Variants in TUBGCP3 observed in about 807,000 individuals in gnomAD.
TUBGCP3 encodes the protein gamma-tubulin complex component 3.
In TUBGCP3, 50 loss-of-function variants were observed where a neutral mutation model predicts 123.1. That is an observed-to-expected ratio of 0.41 (90% CI 0.32 to 0.51). TUBGCP3 has a LOEUF of 0.51. Among genes scored for constraint, TUBGCP3 ranks in the 20% least tolerant of loss-of-function variants. TUBGCP3 has a pLI of 0.36. For synonymous variants in TUBGCP3, 405 were observed against 413.9 expected (o/e 0.98, Z 0.26); for missense variants, 882 against 1,127.0 (o/e 0.78, Z 3.11).
rs570817225 is a variant in TUBGCP3, at chr13:112,504,748, G to A, written c.2087-34C>T. On this transcript the variant is annotated intron_variant, in intron 17 of 21. Transcript: ENST00000261965. ...GAAGAGTTGACGTCAGAGGTGCAATGCAAGTACACTTACCGACAACGCGCT... is the reference window on the plus strand; with the variant it reads ...GAAGAGTTGACGTCAGAGGTGCAATACAAGTACACTTACCGACAACGCGCT... 8.4e-6 allele frequency: 13 copies of A among 1,551,306 alleles called. No homozygotes were observed. The Admixed American group carries it at 1.8e-4, about 22-fold the overall frequency.
At chr13:112,556,452 C>A (rs1880054619) in intron 5 of TUBGCP3, among the ~76,000 whole-genome samples, 1 of 152,196 alleles carries the variant, frequency 6.6e-6, no homozygotes, top group South Asian at 2.1e-4. Flanking sequence ...TCGGACCCAA[C>A]ACAGCAGTGG....
chr13:112,569,067 A>G, intron 2 of TUBGCP3, 85 bp downstream of exon 2: 1 of 1,244,326 alleles, frequency 8.0e-7, no homozygotes, highest in Non-Finnish European at 1.1e-6. Context: ...AACTACATAC[A>G]CACCTACACA....
chr13:112,592,441 A>G (rs1168907546), upstream of TUBGCP3, among the ~76,000 whole-genome samples: 1 of 152,168 alleles, frequency 6.6e-6, no homozygotes, highest in Non-Finnish European at 1.5e-5. This position sits in a 1 kb window ranked among gnomAD's most constrained non-coding sequence, Gnocchi z 4.1. Context: ...TGAGAGTGCC[A>G]GCCCCCACCC....
chr13:112,539,338 T>C (rs1017175332), intron 11 of TUBGCP3, among the ~76,000 whole-genome samples: 4 of 152,180 alleles, frequency 2.6e-5, no homozygotes, highest in Non-Finnish European at 2.9e-5. Flanking sequence ...ACCTAAGCTC[T>C]TGAGCTCAAA....
At position 112,520,030 on chromosome 13, in the gene TUBGCP3, AT is replaced by A; in HGVS notation, c.1746-10del. ...GACGGACAAGTTCTGGTCTTAACAA[AT>A]TTTTTAAAAATTAAAGAAAATATTA... On this transcript the variant is annotated splice_polypyrimidine_tract_variant and intron_variant, in intron 14 of 21. Transcript: ENST00000261965. The A allele has an allele frequency of 6.2e-7, 1 of 1,601,738 alleles. No homozygotes were observed. The highest frequency in any genetic ancestry group is 1.1e-5 in the South Asian group (1 of 88,006).
chr13:112,587,619 T>A (rs968643893), intron 1 of TUBGCP3, among the ~76,000 whole-genome samples: 3 of 152,114 alleles, frequency 2.0e-5, no homozygotes, highest in Non-Finnish European at 4.4e-5. Flanking sequence ...CCGGCTCGGC[T>A]CCGCCCTCCC....
At position 112,485,811 on chromosome 13, in the gene TUBGCP3, C is replaced by T. The variant is rs1056066858; in HGVS notation, c.*182G>A. 9.3e-5 allele frequency: 62 copies of T among 668,512 alleles called. 1 individual carries two copies. Among genetic ancestry groups the T allele is most frequent in the Middle Eastern group, 3.9e-4 (1 of 2,540 alleles). 41.4% of individuals were successfully genotyped at this position (668,512 alleles called of 1,614,324 possible). A position where few individuals can be genotyped will look rare whatever the true frequency, so the allele number is the denominator to read the frequency against. Reference sequence around the variant, plus strand: ...TGACTTAGGGATTTACAAATGCATTCGACTCCGACATGTGAAACACGACGT... The same window carrying T: ...TGACTTAGGGATTTACAAATGCATTTGACTCCGACATGTGAAACACGACGT... On this transcript the variant is annotated 3_prime_UTR_variant, in exon 22 of 22. Coordinates refer to ENST00000261965, the MANE Select transcript of TUBGCP3 (RefSeq NM_006322.6).
chr13:112,493,934 G>A (rs1232698069), intron 20 of TUBGCP3, among the ~76,000 whole-genome samples: 1 of 151,118 alleles, frequency 6.6e-6, no homozygotes, highest in Non-Finnish European at 1.5e-5. Context: ...TGGGAACATG[G>A]CCTGGTGTCC....
At chr13:112,572,310 G>A (rs529200744) in intron 1 of TUBGCP3, among the ~76,000 whole-genome samples, 2 of 152,240 alleles carry the variant, frequency 1.3e-5, no homozygotes, top group East Asian at 3.9e-4. Context: ...TGTGCAGAAC[G>A]TGCAGGTTTG....
At position 112,499,177 on chromosome 13, in the gene TUBGCP3, T is replaced by C; in HGVS notation, c.2316A>G (p.Leu772=). The change falls in exon 20 of 22, where the codon TTA becomes TTG. Residue 772 remains leucine (L), a synonymous_variant. Coordinates refer to ENST00000261965, the MANE Select transcript of TUBGCP3 (RefSeq NM_006322.6). ...CLLDSDSRAL[L]NQLRAVFDQI... Reference sequence around the variant, plus strand: ...GATCAAACACAGCTCTAAGTTGATTTAAAAGTGCCTGAAAGAGATGACAAT... The same window carrying C: ...GATCAAACACAGCTCTAAGTTGATTCAAAAGTGCCTGAAAGAGATGACAAT... 8 of 1,607,596 alleles carry C rather than the reference T, an allele frequency of 5.0e-6. No homozygotes were observed. The highest frequency in any genetic ancestry group is 6.8e-6 in the Non-Finnish European group (8 of 1,177,800).
intron 11 of TUBGCP3, among the ~76,000 whole-genome samples, chr13:112,537,142 TTTTTTTA>T (rs1439977349): frequency 5.5e-5 from 8 of 146,134 alleles, no homozygotes; most frequent in African/African-American, 2.1e-4. Context: ...TTTTTTTTTT[TTTTTTTA>T]AAAAAAAAAA....
chr13:112,549,057 T>A (rs1465733311), intron 8 of TUBGCP3, among the ~76,000 whole-genome samples: 3 of 152,208 alleles, frequency 2.0e-5, no homozygotes, highest in Non-Finnish European at 4.4e-5. Context: ...GCAGCACTAT[T>A]CACAATAGCA....
chr13:112,597,473 A>G, the TUBGCP3 span, among the ~76,000 whole-genome samples: 1 of 152,226 alleles, frequency 6.6e-6, no homozygotes, highest in South Asian at 2.1e-4. Context: ...CAGTCAGGTG[A>G]GGAGACAACG....
the TUBGCP3 span, among the ~76,000 whole-genome samples, chr13:112,594,900 G>A: frequency 6.6e-6 from 1 of 152,176 alleles, no homozygotes. Context: ...GATTTCTAGT[G>A]GGGGTAAGAG....
At chr13:112,597,533 C>T in the TUBGCP3 span, among the ~76,000 whole-genome samples, 1 of 152,032 alleles carries the variant, frequency 6.6e-6, no homozygotes, top group African/African-American at 2.4e-5. Flanking sequence ...AAGAGATTTA[C>T]AGGTGTTACA....
At chr13:112,604,261 T>C in the TUBGCP3 span, 1 of 152,268 alleles carries the variant, frequency 6.6e-6, no homozygotes, top group African/African-American at 2.4e-5. Flanking sequence ...GGGTATCTTT[T>C]AGTTTGAGAA....
rs1880720464 is a variant in TUBGCP3 at position 112,499,118 on chromosome 13, A to G, written c.2375T>C (p.Ile792Thr). ...CAATTCTTCCAGAGCAGCTCTGTATATTGCATCTTGAGCATTCTGAAGTTC... is the reference window on the plus strand; with the variant it reads ...CAATTCTTCCAGAGCAGCTCTGTATGTTGCATCTTGAGCATTCTGAAGTTC... ...IIELQNAQDA[I>T]YRAALEELQR... Residue 792 changes from isoleucine to threonine, a missense_variant, in exon 20 of 22, where the codon ATA (isoleucine) becomes ACA (threonine). Ile to Thr is a moderately conservative substitution (Grantham distance 89). This residue lies in a region of TUBGCP3 where 160 missense variants were observed against 220.3 expected (regional missense o/e 0.73). Coordinates refer to ENST00000261965, the MANE Select transcript of TUBGCP3 (RefSeq NM_006322.6). 1 of 1,614,114 alleles carries G rather than the reference A, an allele frequency of 6.2e-7. No individual in the cohort carries two copies. The highest frequency in any genetic ancestry group is 8.5e-7 in the Non-Finnish European group (1 of 1,180,008).
At chr13:112,555,148 G>C in intron 6 of TUBGCP3, 143 bp from the exon 7 acceptor site, 1 of 601,568 alleles carries the variant, frequency 1.7e-6, no homozygotes, top group Non-Finnish European at 2.9e-6. Flanking sequence ...AGATGAAAAA[G>C]AGTATGAGAT....
chr13:112,561,843 T>C, intron 3 of TUBGCP3, among the ~76,000 whole-genome samples: 1 of 152,104 alleles, frequency 6.6e-6, no homozygotes, highest in Non-Finnish European at 1.5e-5. Context: ...TATCTGAGGG[T>C]GAAGGGTGGA....
Sources: allele counts gnomAD v4.1 joint callset (sites outside exome capture counted in the v4.1 genomes callset), GRCh38; gene constraint gnomAD v4.1.1; regional missense constraint gnomAD v4.1.1; non-coding constraint Gnocchi (gnomAD v3.1); transcripts MANE v1.5; gene names NCBI Gene and HGNC (gene_info 2026-07-23, HGNC 2026-07-21).